Variants in GRID1 observed in about 807,000 individuals in gnomAD.
GRID1 encodes the protein glutamate receptor ionotropic, delta-1.
GRID1 carries 28 observed loss-of-function variants against 98.0 expected under a neutral mutation model. The ratio of observed to expected loss-of-function variants is 0.29; its 90% CI spans 0.21 to 0.39. The LOEUF (loss-of-function observed/expected upper bound fraction) is 0.39, where lower values mean the gene tolerates loss of function less well. Ranked by LOEUF, GRID1 falls within the 10% of genes least tolerant of loss-of-function variation. The pLI, the probability that GRID1 is intolerant of heterozygous loss-of-function variation, is 1.00. For synonymous variants in GRID1, 553 were observed against 538.5 expected, an observed-to-expected ratio of 1.03 and a Z score of -0.37; for missense variants, 1,111 against 1,340.5, an observed-to-expected ratio of 0.83 and a Z score of 2.67.
At chr10:85,831,162 A>C (rs2131761734) in intron 8 of GRID1, among the ~76,000 whole-genome samples, 1 of 152,248 alleles carries the variant, frequency 6.6e-6, no homozygotes, top group East Asian at 1.9e-4. Flanking sequence ...TTTGCAGAAA[A>C]TTAGATGGAG....
chr10:86,181,564 C>A (rs149061580), intron 3 of GRID1, among the ~76,000 whole-genome samples: 38 of 152,256 alleles, frequency 2.5e-4, no homozygotes, highest in African/African-American at 9.1e-4. Flanking sequence ...CCCATGGACA[C>A]CTGAGGGGTG....
chr10:86,016,605 T>C (rs1842984271), intron 4 of GRID1, among the ~76,000 whole-genome samples: 1 of 152,206 alleles, frequency 6.6e-6, no homozygotes, highest in African/African-American at 2.4e-5. Flanking sequence ...AAAGTAGTCC[T>C]CCATAAATAT....
At chr10:85,617,254 ACAGGGT>A (rs1334758730) in intron 14 of GRID1, among the ~76,000 whole-genome samples, 2 of 136,694 alleles carry the variant, frequency 1.5e-5, no homozygotes, top group Non-Finnish European at 3.2e-5. Context: ...TTTTTTGAGA[ACAGGGT>A]CACGTTTTGT....
chr10:86,353,042 G>A (rs1396395996), intron 2 of GRID1, among the ~76,000 whole-genome samples: 1 of 152,188 alleles, frequency 6.6e-6, no homozygotes, highest in Non-Finnish European at 1.5e-5. Flanking sequence ...ACACATCTGA[G>A]GCCAGGAACG....
intron 12 of GRID1, among the ~76,000 whole-genome samples, chr10:85,677,647 G>T (rs1841159658): frequency 1.3e-5 from 2 of 152,212 alleles, no homozygotes; most frequent in South Asian, 4.1e-4. Flanking sequence ...CACCAAGGTT[G>T]TACTCTCAAT....
intron 4 of GRID1, among the ~76,000 whole-genome samples, chr10:86,084,538 TACC>T (rs1257083000): frequency 1.3e-5 from 2 of 152,116 alleles, no homozygotes; most frequent in Non-Finnish European, 2.9e-5. Context: ...ACTGAACATA[TACC>T]CAAAATAAGT....
At chr10:85,623,543 G>A (rs909278116) in intron 13 of GRID1, among the ~76,000 whole-genome samples, 1 of 152,266 alleles carries the variant, frequency 6.6e-6, no homozygotes, top group East Asian at 1.9e-4. Flanking sequence ...CGGGGGGCTG[G>A]GGGGAGGACA....
chr10:86,077,802 G>C (rs879466791), intron 4 of GRID1, among the ~76,000 whole-genome samples: 14 of 152,298 alleles, frequency 9.2e-5, no homozygotes, highest in Middle Eastern at 3.4e-3. Context: ...ACAAATCATG[G>C]ATGGGAAAAA....
At chr10:85,811,307 A>C (rs952992461) in intron 8 of GRID1, among the ~76,000 whole-genome samples, 1 of 152,316 alleles carries the variant, frequency 6.6e-6, no homozygotes, top group South Asian at 2.1e-4. Flanking sequence ...ATAAATATCA[A>C]TGTAAGGACA....
At chr10:86,084,917 C>A (rs1844028815) in intron 4 of GRID1, among the ~76,000 whole-genome samples, 1 of 151,998 alleles carries the variant, frequency 6.6e-6, no homozygotes, top group Non-Finnish European at 1.5e-5. Context: ...TACAAAGTTG[C>A]AGTTTGGGCT....
chr10:86,346,860 AC>A (rs1460835339), intron 2 of GRID1, among the ~76,000 whole-genome samples: 2 of 152,162 alleles, frequency 1.3e-5, no homozygotes, highest in Admixed American at 6.5e-5. Context: ...AGAGATCCCC[AC>A]CCACAATGTA....
chr10:85,998,604 T>G (rs1205451056), intron 4 of GRID1, among the ~76,000 whole-genome samples: 1 of 152,156 alleles, frequency 6.6e-6, no homozygotes, highest in African/African-American at 2.4e-5. Flanking sequence ...TAAAAGCATT[T>G]TATTAACTCC....
At chr10:85,974,739 C>T (rs969196190) in intron 4 of GRID1, among the ~76,000 whole-genome samples, 1 of 152,178 alleles carries the variant, frequency 6.6e-6, no homozygotes, top group Non-Finnish European at 1.5e-5. Flanking sequence ...TTGAACGCTA[C>T]CTAATGCTTC....
intron 12 of GRID1, among the ~76,000 whole-genome samples, chr10:85,720,284 C>G (rs1440668560): frequency 6.6e-6 from 1 of 151,924 alleles, no homozygotes; most frequent in East Asian, 1.9e-4. Flanking sequence ...ATTCTGAAAT[C>G]CTTTAGGTGA....
intron 2 of GRID1, among the ~76,000 whole-genome samples, chr10:86,234,126 T>C (rs375910843): frequency 1.2e-4 from 19 of 152,244 alleles, no homozygotes; most frequent in East Asian, 5.8e-4. Context: ...CCCACACTTC[T>C]AGGAAAACTC....
chr10:85,823,910 A>C (rs554949493), intron 8 of GRID1, among the ~76,000 whole-genome samples: 4 of 152,332 alleles, frequency 2.6e-5, no homozygotes, highest in Admixed American at 2.6e-4. Context: ...ATATATTTTC[A>C]AAAGAATACT....
At chr10:86,122,443 C>T (rs933527042) in intron 4 of GRID1, among the ~76,000 whole-genome samples, 2 of 152,314 alleles carry the variant, frequency 1.3e-5, no homozygotes, top group Admixed American at 6.5e-5. Flanking sequence ...CAGGGGCTGA[C>T]GGCCATCCTG....
rs114190527 is a variant in GRID1, at chr10:85,725,524, C to T, written c.1534-848G>A. On this transcript the variant is annotated intron_variant, in intron 10 of 15. Coordinates refer to ENST00000327946, the MANE Select transcript of GRID1 (RefSeq NM_017551.3). ...AAAACTGCCAAGTTTGGGGCGATTA[C>T]GGGTTTCATGTCCGGATGGGTGGAT... Among the ~76,000 whole-genome samples, 221 of 152,298 alleles carry T rather than the reference C, an allele frequency of 1.5e-3. 1 individual carries two copies. The highest frequency in any genetic ancestry group is 4.8e-3 in the African/African-American group (198 of 41,562).
At chr10:86,268,698 T>C (rs1326810310) in intron 2 of GRID1, among the ~76,000 whole-genome samples, 1 of 152,176 alleles carries the variant, frequency 6.6e-6, no homozygotes, top group Admixed American at 6.5e-5. Context: ...GTTAGAAAGA[T>C]TGGGGTTTGG....
Sources: gnomAD v4.1 joint callset for allele counts (sites outside exome capture counted in the v4.1 genomes callset) on GRCh38, gnomAD v4.1.1 for gene constraint, MANE v1.5 for transcripts, NCBI Gene and HGNC (gene_info 2026-07-23, HGNC 2026-07-21) for gene names.